The following RGS7 variants were observed in gnomAD, a reference collection of about 807,000 sequenced individuals.
RGS7 encodes regulator of G-protein signaling 7.
Under a neutral mutation model 81.1 loss-of-function variants are expected in RGS7, and 27 were observed. That is an observed-to-expected ratio of 0.33 (90% confidence interval 0.25 to 0.46). RGS7 has a LOEUF of 0.46. RGS7 is among the 20% of genes least tolerant of loss of function. The pLI, the probability that RGS7 is intolerant of heterozygous loss-of-function variation, is 1.00. For missense variants in RGS7, 396 were observed against 607.4 expected (o/e 0.65, Z 3.66); for synonymous variants, 208 against 207.7 (o/e 1.00, Z -0.01).
At chr1:240,931,812 TTTA>T (rs1288423583) in intron 5 of RGS7, among the ~76,000 whole-genome samples, 6 of 152,202 alleles carry the variant, frequency 3.9e-5, no homozygotes, top group African/African-American at 1.4e-4. Flanking sequence ...CGAGAGAAAC[TTTA>T]TTATTATCAT....
intron 9 of RGS7, among the ~76,000 whole-genome samples, chr1:240,858,279 T>G (rs944925912): frequency 2.0e-5 from 3 of 152,216 alleles, no homozygotes; most frequent in Admixed American, 6.5e-5. Context: ...CTATATTGTA[T>G]AGTAACAATT....
chr1:241,040,115 T>C (rs1047297051), intron 3 of RGS7, among the ~76,000 whole-genome samples: 1 of 152,222 alleles, frequency 6.6e-6, no homozygotes, highest in Non-Finnish European at 1.5e-5. Flanking sequence ...AGTTTTTCCC[T>C]GCAGGAAAAC....
intron 3 of RGS7, among the ~76,000 whole-genome samples, chr1:241,042,122 T>C (rs148340032): frequency 1.3e-5 from 2 of 152,310 alleles, no homozygotes; most frequent in African/African-American, 4.8e-5. Flanking sequence ...AAGGGGATAA[T>C]GGCTGCGATT....
At chr1:241,072,497 T>C (rs759333705) in intron 3 of RGS7, among the ~76,000 whole-genome samples, 26 of 152,158 alleles carry the variant, frequency 1.7e-4, no homozygotes, top group Non-Finnish European at 3.7e-4. Context: ...GCATGGAATT[T>C]TCCCCCTCGC....
chr1:240,855,676 A>T (rs1199323163), intron 9 of RGS7, among the ~76,000 whole-genome samples: 1 of 152,152 alleles, frequency 6.6e-6, no homozygotes, highest in Admixed American at 6.5e-5. Context: ...GCGATTTCAA[A>T]TGTTAGCTAC....
chr1:240,802,839 A>T, intron 16 of RGS7, 65 bp downstream of exon 16: 1 of 1,007,812 alleles, frequency 9.9e-7, no homozygotes, highest in Non-Finnish European at 1.6e-6. Context: ...CAGCAGAGGT[A>T]ATTACTCCAA....
intron 6 of RGS7, among the ~76,000 whole-genome samples, chr1:240,883,533 G>A (rs954967066): frequency 2.6e-5 from 4 of 151,996 alleles, no homozygotes; most frequent in Non-Finnish European, 4.4e-5. Flanking sequence ...TCCCTGCCTG[G>A]AAATTGCCTA....
At position 241,355,953 on chromosome 1, in the gene RGS7, A is replaced by C. The variant is rs961299829; in HGVS notation, c.-50-127T>G. 6.1e-6 allele frequency: 4 copies of C among 656,076 alleles called. No homozygotes were observed. In the South Asian group the frequency reaches 6.7e-5, roughly 11 times the overall value. The allele number at this position is 656,076 out of a possible 1,614,324, so 40.6% of individuals were successfully genotyped here. A position where few individuals can be genotyped will look rare whatever the true frequency, so the allele number is the denominator to read the frequency against. The stretch of plus-strand genomic sequence containing the variant: ...TGGGGCTGGCTGGAGAAAGTGACAC[A>C]GGACATGGATTTTTTAAAAAGTGAG... On this transcript the variant is annotated intron_variant, in intron 1 of 18. Transcript: ENST00000440928.
In RGS7 at chr1:241,193,019, T is replaced by A. The variant is rs12062509; in HGVS notation, c.79-94257A>T. Among the ~76,000 whole-genome samples, 5 of 152,192 alleles carry A rather than the reference T, an allele frequency of 3.3e-5. No homozygotes were observed. In the South Asian group the frequency reaches 1.0e-3, roughly 31 times the overall value. ...CATAAAACCTGTATCCAAAGAACTA[T>A]AATAATGGGCAGGTTCTGAAGAATG... On this transcript the variant is annotated intron_variant, in intron 2 of 18. Coordinates refer to ENST00000440928, the MANE Select transcript of RGS7 (RefSeq NM_001364886.1).
chr1:241,145,952 A>T (rs1236035534), intron 2 of RGS7, among the ~76,000 whole-genome samples: 1 of 152,194 alleles, frequency 6.6e-6, no homozygotes, highest in Non-Finnish European at 1.5e-5. Context: ...CTTCTCACTG[A>T]AAGTTCTCCT....
rs369282201 is a variant in RGS7 at position 241,207,189 on chromosome 1, A to G, written c.79-108427T>C. Among the ~76,000 whole-genome samples the G allele has an allele frequency of 2.9e-4, 43 of 150,382 alleles. 1 individual carries two copies. Among genetic ancestry groups the G allele is most frequent in the East Asian group, 1.4e-3 (7 of 5,066 alleles). ...TCACCGTGTTAGCCAGGTTGGTCTC[A>G]ATCTCCCGACCTCGTGATCTGCCCG... On this transcript the variant is annotated intron_variant, in intron 2 of 18. Coordinates refer to ENST00000440928, the MANE Select transcript of RGS7 (RefSeq NM_001364886.1).
chr1:241,220,695 T>G (rs1200077204), intron 2 of RGS7, among the ~76,000 whole-genome samples: 1 of 152,084 alleles, frequency 6.6e-6, no homozygotes, highest in Non-Finnish European at 1.5e-5. Context: ...TTAGTATTAT[T>G]AATACTTTTG....
rs61286148 is a variant in RGS7, at chr1:240,996,885, T to C, written c.176-13756A>G. On this transcript the variant is annotated intron_variant, in intron 3 of 18. Transcript: ENST00000440928. ...CATTTTATTTTTTGTGGGTTTTTTT[T>C]CTTGTTCCTGCCTTCCAGTGGATTG... is the stretch of plus-strand genomic sequence containing the variant. Among the ~76,000 whole-genome samples the C allele has an allele frequency of 1.3e-3, 195 of 152,312 alleles. 4 individuals are homozygous for C. Among genetic ancestry groups the C allele is most frequent in the African/African-American group, 4.5e-3 (187 of 41,576 alleles).
intron 6 of RGS7, among the ~76,000 whole-genome samples, chr1:240,889,052 T>A (rs996726577): frequency 6.6e-6 from 1 of 151,826 alleles, no homozygotes. Flanking sequence ...ACCTCCCGGG[T>A]TCAAGCGATT....
At position 241,271,884 on chromosome 1, in the gene RGS7, C is replaced by CGTGTGTGT. The variant is rs373357799; in HGVS notation, c.78+83807_78+83814dup. ...AATCACACAAGCCAAATCTTTATAACGTGTGTGTGTGTGTGTGTGTGTGTG... is the reference window on the plus strand; with the variant it reads ...AATCACACAAGCCAAATCTTTATAACGTGTGTGTGTGTGTGTGTGTGTGTGTGTGTGTG... On this transcript the variant is annotated intron_variant, in intron 2 of 18. Transcript: ENST00000440928. The surrounding 1 kb of genome is among the most constrained non-coding windows in gnomAD (Gnocchi z 4.6). Among the ~76,000 whole-genome samples, 29 of 140,376 alleles carry CGTGTGTGT rather than the reference C, an allele frequency of 2.1e-4. No individual in the cohort carries two copies. The highest frequency in any genetic ancestry group is 5.4e-4 in the African/African-American group (20 of 36,978). 92.1% of individuals were successfully genotyped at this position (140,376 alleles called of 152,430 possible). A position where few individuals can be genotyped will look rare whatever the true frequency, so the allele number is the denominator to read the frequency against.
At chr1:240,871,078 G>A (rs1377320086) in intron 6 of RGS7, among the ~76,000 whole-genome samples, 1 of 152,128 alleles carries the variant, frequency 6.6e-6, no homozygotes, top group Non-Finnish European at 1.5e-5. Flanking sequence ...TTATTTCAGG[G>A]TATTCCAGTG....
At chr1:240,920,190 C>A in intron 6 of RGS7, 1 of 1,083,596 alleles carries the variant, frequency 9.2e-7, no homozygotes, top group Non-Finnish European at 1.4e-6. Context: ...TAGGAAAGCC[C>A]TGTCAAAGCA....
intron 2 of RGS7, among the ~76,000 whole-genome samples, chr1:241,307,732 C>T (rs937413303): frequency 2.0e-5 from 3 of 152,152 alleles, no homozygotes; most frequent in South Asian, 2.1e-4. Context: ...TCTGATGTAT[C>T]GCCCAGCACC....
chr1:240,854,879 CT>C (rs1660783128), intron 9 of RGS7, among the ~76,000 whole-genome samples: 1 of 152,102 alleles, frequency 6.6e-6, no homozygotes, highest in South Asian at 2.1e-4. Flanking sequence ...ATGTTGTCCC[CT>C]AAGTATGCAG....
Sources: allele counts gnomAD v4.1 joint callset (sites outside exome capture counted in the v4.1 genomes callset), GRCh38; gene constraint gnomAD v4.1.1; non-coding constraint Gnocchi (gnomAD v3.1); transcripts MANE v1.5; gene names NCBI Gene and HGNC (gene_info 2026-07-23, HGNC 2026-07-21).